TAFA2: variants seen among roughly 807,000 people sequenced by gnomAD.
The protein encoded by TAFA2 is TAFA chemokine like family member 2, also known as chemokine-like protein TAFA-2.
In TAFA2, 7 loss-of-function variants were observed where a neutral mutation model predicts 18.8. The ratio of observed to expected loss-of-function variants is 0.37; its 90% confidence interval spans 0.21 to 0.70. TAFA2 has a LOEUF of 0.70. Ranked by LOEUF, TAFA2 falls within the 30% of genes least tolerant of loss-of-function variation. TAFA2 has a pLI of 0.53. For missense variants in TAFA2, 122 were observed against 158.1 expected (o/e 0.77, Z 1.23); for synonymous variants, 60 against 54.2 (o/e 1.11, Z -0.47).
At chr12:61,800,642 G>A (rs1432023029) in intron 2 of TAFA2, among the ~76,000 whole-genome samples, 1 of 152,086 alleles carries the variant, frequency 6.6e-6, no homozygotes, top group Non-Finnish European at 1.5e-5. Flanking sequence ...CAAAAAAGGA[G>A]CAAAAGCAGC....
intron 1 of TAFA2, among the ~76,000 whole-genome samples, chr12:62,104,120 T>C (rs1358873967): frequency 6.6e-6 from 1 of 152,210 alleles, no homozygotes; most frequent in Admixed American, 6.5e-5. Context: ...AAATGAATAG[T>C]GATAATTTTA....
chr12:62,123,154 GT>G (rs1328116331), intron 1 of TAFA2, among the ~76,000 whole-genome samples: 4 of 152,092 alleles, frequency 2.6e-5, no homozygotes, highest in African/African-American at 4.8e-5. Flanking sequence ...CCACATTTAA[GT>G]TTATCGAGGA....
intron 1 of TAFA2, among the ~76,000 whole-genome samples, chr12:62,247,488 GTT>G (rs978853028): frequency 1.1e-4 from 17 of 152,228 alleles, no homozygotes; most frequent in African/African-American, 4.1e-4. Context: ...AGCTCCTCGA[GTT>G]TTCCTACTTT....
At chr12:61,729,554 C>G (rs1371423860) in intron 4 of TAFA2, among the ~76,000 whole-genome samples, 1 of 151,950 alleles carries the variant, frequency 6.6e-6, no homozygotes, top group African/African-American at 2.4e-5. Flanking sequence ...CTAAGTGCAT[C>G]TTTCATTTCC....
intron 1 of TAFA2, among the ~76,000 whole-genome samples, chr12:61,973,759 C>T (rs1372468762): frequency 1.3e-5 from 2 of 151,624 alleles, no homozygotes; most frequent in African/African-American, 4.8e-5. Context: ...ATCAGAACCA[C>T]CTGGGAAATT....
At chr12:62,143,248 C>A (rs1005898209) in intron 1 of TAFA2, among the ~76,000 whole-genome samples, 6 of 152,186 alleles carry the variant, frequency 3.9e-5, no homozygotes, top group Non-Finnish European at 8.8e-5. Context: ...CCTTCTTTAT[C>A]TCCCTAAAAA....
intron 1 of TAFA2, among the ~76,000 whole-genome samples, chr12:62,033,776 T>C: frequency 6.6e-6 from 1 of 152,250 alleles, no homozygotes; most frequent in East Asian, 1.9e-4. Context: ...GAATCGCTGG[T>C]TTAAATTATA....
intron 1 of TAFA2, among the ~76,000 whole-genome samples, chr12:61,922,877 T>C (rs910103307): frequency 2.0e-5 from 3 of 152,124 alleles, no homozygotes; most frequent in Admixed American, 6.5e-5. Flanking sequence ...CACAGCAATC[T>C]GAAGTCAACC....
chr12:62,239,025 A>T (rs1166058962), intron 1 of TAFA2, among the ~76,000 whole-genome samples: 1 of 152,190 alleles, frequency 6.6e-6, no homozygotes, highest in African/African-American at 2.4e-5. Flanking sequence ...CTTTTTCCAA[A>T]TTCCCTTTGA....
chr12:61,749,993 CCACA>C (rs34947699), intron 4 of TAFA2, among the ~76,000 whole-genome samples: 13 of 148,874 alleles, frequency 8.7e-5, no homozygotes, highest in African/African-American at 2.7e-4. Flanking sequence ...TCAAAACACC[CCACA>C]CACACACACA....
At chr12:62,134,219 T>C (rs2136898661) in intron 1 of TAFA2, among the ~76,000 whole-genome samples, 1 of 152,116 alleles carries the variant, frequency 6.6e-6, no homozygotes, top group Middle Eastern at 3.4e-3. Flanking sequence ...ATACTGTTGA[T>C]ACAAACTGAA....
At chr12:62,112,966 T>C (rs1018580910) in intron 1 of TAFA2, among the ~76,000 whole-genome samples, 4 of 152,112 alleles carry the variant, frequency 2.6e-5, no homozygotes, top group African/African-American at 7.2e-5. Context: ...TTACCCACCT[T>C]CTGAAGCCTA....
At chr12:62,031,287 G>A (rs1273306071) in intron 1 of TAFA2, among the ~76,000 whole-genome samples, 1 of 152,064 alleles carries the variant, frequency 6.6e-6, no homozygotes, top group Non-Finnish European at 1.5e-5. Flanking sequence ...AAAGCAGGCA[G>A]AAAAATGTGA....
chr12:61,711,405 G>A (rs891638344), intron 4 of TAFA2, among the ~76,000 whole-genome samples: 2 of 151,884 alleles, frequency 1.3e-5, no homozygotes, highest in Non-Finnish European at 2.9e-5. Flanking sequence ...CTAATATCAG[G>A]CAGGGTATTT....
intron 1 of TAFA2, among the ~76,000 whole-genome samples, chr12:61,923,169 T>C (rs1877130624): frequency 1.3e-5 from 2 of 152,176 alleles, no homozygotes; most frequent in African/African-American, 4.8e-5. Flanking sequence ...TAGGTGCAGC[T>C]TCAGCAGATG....
rs190268902 is a variant in TAFA2 at position 62,124,081 on chromosome 12, C to G, written c.-2+67178G>C. On this transcript the variant is annotated intron_variant, in intron 1 of 4. Coordinates refer to ENST00000416284, the MANE Select transcript of TAFA2 (RefSeq NM_178539.5). ...CTCAAGACAAGTGGTTTTTAAACCACTGCGAATCAGTATTTTTGCCCCTGC... is the reference window on the plus strand; with the variant it reads ...CTCAAGACAAGTGGTTTTTAAACCAGTGCGAATCAGTATTTTTGCCCCTGC... 2.0e-5 allele frequency among the ~76,000 whole-genome samples: 3 copies of G among 152,144 alleles called. No homozygotes were observed. In the East Asian group the frequency reaches 5.8e-4, roughly 29 times the overall value.
intron 4 of TAFA2, among the ~76,000 whole-genome samples, chr12:61,723,071 T>C (rs1869980429): frequency 6.6e-6 from 1 of 152,200 alleles, no homozygotes; most frequent in Admixed American, 6.5e-5. Context: ...GGACTTGATG[T>C]GCCCATTCAT....
intron 1 of TAFA2, among the ~76,000 whole-genome samples, chr12:62,084,605 G>A (rs348676): frequency 3.3e-5 from 5 of 151,940 alleles, no homozygotes; most frequent in East Asian, 3.9e-4. Context: ...GCTCATTCAC[G>A]TCTGCTGATT....
intron 1 of TAFA2, among the ~76,000 whole-genome samples, chr12:62,099,005 A>G (rs1387840497): frequency 6.6e-6 from 1 of 152,186 alleles, no homozygotes; most frequent in African/African-American, 2.4e-5. Flanking sequence ...GTTACAAACT[A>G]GATGGCATAT....
Sources: gnomAD v4.1 joint callset for allele counts (sites outside exome capture counted in the v4.1 genomes callset) on GRCh38, gnomAD v4.1.1 for gene constraint, MANE v1.5 for transcripts, NCBI Gene and HGNC (gene_info 2026-07-23, HGNC 2026-07-21) for gene names.